The following LRP1B variants were observed in gnomAD, a reference collection of about 807,000 sequenced individuals.
LRP1B encodes the protein LDL receptor related protein 1B.
In LRP1B, 217 loss-of-function variants were observed where a neutral mutation model predicts 556.6. The ratio of observed to expected loss-of-function variants is 0.39; its 90% CI spans 0.35 to 0.44. LRP1B has a LOEUF of 0.44. LRP1B is among the 20% of genes least tolerant of loss of function. LRP1B has a pLI of 1.00. For synonymous variants in LRP1B, 2,047 were observed against 1,865.8 expected, an observed-to-expected ratio of 1.10 and a Z score of -2.50; for missense variants, 5,053 against 5,620.8, an observed-to-expected ratio of 0.90 and a Z score of 3.23.
At position 141,005,448 on chromosome 2, in the gene LRP1B, A is replaced by G. The variant is rs781386264; in HGVS notation, c.2390T>C (p.Met797Thr). 29 of 1,610,052 alleles carry G rather than the reference A, an allele frequency of 1.8e-5. No homozygotes were observed. In the Admixed American group the frequency reaches 2.5e-4, roughly 14 times the overall value. The change falls in exon 15 of 91, where the codon ATG becomes ACG. Residue 797 changes from methionine (M) to threonine (T), a missense_variant. Physicochemically the swap from Met to Thr is moderately conservative, Grantham distance 81. Coordinates refer to ENST00000389484, the MANE Select transcript of LRP1B (RefSeq NM_018557.3). ...YDPRKQQGDN[M>T]CRVNNGGCST... ...ACAGCCCCCATTATTTACTCGGCAC[A>G]TATTGTCACCTGCAAGAGGAAGAAA...
At chr2:141,448,838 A>C (rs1167726178) in intron 3 of LRP1B, among the ~76,000 whole-genome samples, 1 of 152,104 alleles carries the variant, frequency 6.6e-6, no homozygotes, top group African/African-American at 2.4e-5. Context: ...AGCTCTTCCT[A>C]TTTGGCCATC....
At chr2:141,218,020 C>T (rs768539134) in intron 6 of LRP1B, among the ~76,000 whole-genome samples, 2 of 151,864 alleles carry the variant, frequency 1.3e-5, no homozygotes, top group Non-Finnish European at 2.9e-5. Flanking sequence ...CAAATCAAAA[C>T]CACAATGAGA....
chr2:140,269,930 C>T (rs187355281), intron 86 of LRP1B, among the ~76,000 whole-genome samples: 1 of 152,040 alleles, frequency 6.6e-6, no homozygotes, highest in Non-Finnish European at 1.5e-5. Context: ...ATGATTATCT[C>T]TGGGCTTCAC....
At chr2:141,472,339 A>G (rs981290187) in intron 3 of LRP1B, among the ~76,000 whole-genome samples, 6 of 152,184 alleles carry the variant, frequency 3.9e-5, no homozygotes, top group Admixed American at 3.9e-4. Flanking sequence ...TGAGGTCAGG[A>G]GTTCGAGACC....
chr2:140,956,196 T>C (rs566945185), intron 18 of LRP1B, among the ~76,000 whole-genome samples: 5 of 151,794 alleles, frequency 3.3e-5, no homozygotes, highest in Non-Finnish European at 7.4e-5. Flanking sequence ...ACAATATCCC[T>C]GCAATTGTTA....
intron 3 of LRP1B, among the ~76,000 whole-genome samples, chr2:141,463,580 AATTATATATAATATATATTATATATT>A (rs1682016800): frequency 1.8e-5 from 1 of 56,442 alleles, no homozygotes; most frequent in African/African-American, 6.5e-5. Context: ...TATTATATAT[AATTATATATAATATATATTATATATT>A]ATATATAATT....
chr2:141,766,466 T>G (rs1694736207), intron 2 of LRP1B, among the ~76,000 whole-genome samples: 1 of 152,172 alleles, frequency 6.6e-6, no homozygotes, highest in East Asian at 1.9e-4. Flanking sequence ...TCATTTGAAG[T>G]GGTTAGCTTA....
intron 7 of LRP1B, among the ~76,000 whole-genome samples, chr2:141,133,580 C>T (rs13002102): frequency 0.47 from 71,530 of 151,832 alleles, 17,391 homozygotes; most frequent in Non-Finnish European, 0.54. Flanking sequence ...CTGCCTGGCA[C>T]AGCATAAGCA....
chr2:140,841,081 T>C lies in LRP1B; in HGVS notation c.4951A>G (p.Ile1651Val), dbSNP rs778637482. 1 of 1,606,592 alleles carries C rather than the reference T, an allele frequency of 6.2e-7. No individual in the cohort carries two copies. The highest frequency in any genetic ancestry group is 1.7e-5 in the Admixed American group (1 of 59,244). Residue 1651 changes from isoleucine to valine, a missense_variant, in exon 30 of 91, where the codon ATC becomes GTC. Around this residue, in one of 5 missense-constraint regions of LRP1B, gnomAD observed 3,619 missense variants for 3,931.9 expected, o/e 0.92. Transcript: ENST00000389484. ...ETVISRDIQS[I>V]RGLAVDWVSR... is the part of the protein sequence containing the mutation. ...ACCCAATCCACTGCTAGCCCTCTGA[T>C]ACTCTGAATATCTATAAAACAGGAA...
intron 2 of LRP1B, among the ~76,000 whole-genome samples, chr2:141,736,067 T>C (rs1404993418): frequency 6.6e-6 from 1 of 152,144 alleles, no homozygotes; most frequent in Non-Finnish European, 1.5e-5. Context: ...TGGGAACAAT[T>C]CTCACCCACT....
intron 2 of LRP1B, among the ~76,000 whole-genome samples, chr2:141,761,995 T>A (rs1047008147): frequency 1.3e-4 from 20 of 152,110 alleles, no homozygotes; most frequent in African/African-American, 4.3e-4. Context: ...AAAATCAAAC[T>A]CTCTGAAAAG....
In LRP1B at chr2:141,480,480, T is replaced by C. The variant is rs1682877053; in HGVS notation, c.259A>G (p.Thr87Ala). The part of the protein sequence containing the change: ...CPLNHIACLG[T>A]NKCVHLSQLC... ...TGGGATAAATGAACACATTTGTTGG[T>C]ACCAAGGCAAGCAATGTGATTCAAG... The change falls in exon 3 of 91, where the codon ACC (threonine) becomes GCC (alanine). Residue 87 changes from threonine to alanine, a missense_variant. By Grantham distance (58) the Thr-to-Ala change is moderately conservative. Around this residue, in one of 5 missense-constraint regions of LRP1B, gnomAD observed 3,619 missense variants for 3,931.9 expected, o/e 0.92. Transcript: ENST00000389484. 1 of 1,613,892 alleles carries C rather than the reference T, an allele frequency of 6.2e-7. No homozygotes were observed. Among genetic ancestry groups the C allele is most frequent in the African/African-American group, 1.3e-5 (1 of 74,914 alleles).
chr2:140,744,211 CCATTG>C (rs1009456155), intron 35 of LRP1B, among the ~76,000 whole-genome samples: 6 of 151,616 alleles, frequency 4.0e-5, no homozygotes, highest in African/African-American at 9.7e-5. Context: ...TATACATATA[CCATTG>C]CATTGCATTG....
At chr2:141,916,443 C>A (rs908893246) in intron 1 of LRP1B, among the ~76,000 whole-genome samples, 16 of 151,884 alleles carry the variant, frequency 1.1e-4, no homozygotes, top group Non-Finnish European at 1.8e-4. Context: ...CGGCTCACTG[C>A]AAGCTCCACC....
In LRP1B at chr2:140,495,652, T is replaced by C. The variant is rs1383388797; in HGVS notation, c.8947A>G (p.Ile2983Val). ...SSGFPCSQQC[I>V]NTYGTYKCLC... ...CACTTGTAAGTCCCGTATGTATTGA[T>C]GCATTGCTGGCTACAGGGAAAGCCT... is the stretch of plus-strand genomic sequence containing the variant. Residue 2983 changes from isoleucine (I) to valine (V), a missense_variant, in exon 56 of 91, where the codon ATC (isoleucine) becomes GTC (valine). Physicochemically the swap from Ile to Val is conservative, Grantham distance 29. Coordinates refer to ENST00000389484, the MANE Select transcript of LRP1B (RefSeq NM_018557.3). The C allele has an allele frequency of 6.2e-7, 1 of 1,613,972 alleles. No homozygotes were observed. Among genetic ancestry groups the C allele is most frequent in the Non-Finnish European group, 8.5e-7 (1 of 1,179,942 alleles).
At position 141,247,216 on chromosome 2, in the gene LRP1B, C is replaced by A; in HGVS notation, c.592+10G>T. ...TCTGGAAAGACAAAAAATAAATGGT[C>A]ATAACTTACCAATTTTAGCCTTGCA... On this transcript the variant is annotated intron_variant, in intron 5 of 90. Transcript: ENST00000389484. 1 of 1,613,260 alleles carries A rather than the reference C, an allele frequency of 6.2e-7. No individual in the cohort carries two copies. Among genetic ancestry groups the A allele is most frequent in the South Asian group, 1.1e-5 (1 of 91,014 alleles).
intron 25 of LRP1B, among the ~76,000 whole-genome samples, chr2:140,881,334 T>C (rs1693468540): frequency 6.6e-6 from 1 of 151,946 alleles, no homozygotes; most frequent in Non-Finnish European, 1.5e-5. Flanking sequence ...AGGTCCAATA[T>C]ATTAAACTAA....
rs1247512392 is a variant in LRP1B at position 141,088,109 on chromosome 2, A to G, written c.1014-25836T>C. On this transcript the variant is annotated intron_variant, in intron 7 of 90. Transcript: ENST00000389484. ...ATTCTTTTTTTTTGAACATGTTTACATAGATGGGAATTTGGCTTTAGGTAG... is the reference window on the plus strand; with the variant it reads ...ATTCTTTTTTTTTGAACATGTTTACGTAGATGGGAATTTGGCTTTAGGTAG... Among the ~76,000 whole-genome samples the G allele has an allele frequency of 4.3e-4, 66 of 152,156 alleles. 1 individual carries two copies. The highest frequency in any genetic ancestry group is 4.4e-5 in the Non-Finnish European group (3 of 68,028).
chr2:141,003,288 G>T (rs549636973), intron 15 of LRP1B, among the ~76,000 whole-genome samples: 1 of 152,000 alleles, frequency 6.6e-6, no homozygotes, highest in Non-Finnish European at 1.5e-5. Context: ...CTCATATTAA[G>T]TAAAAATGAC....
Sources: gnomAD v4.1 joint callset for allele counts (sites outside exome capture counted in the v4.1 genomes callset) on GRCh38, gnomAD v4.1.1 for gene constraint, gnomAD v4.1.1 regional missense constraint, MANE v1.5 for transcripts, NCBI Gene and HGNC (gene_info 2026-07-23, HGNC 2026-07-21) for gene names.